The following TBCD variants were observed in gnomAD, a reference collection of about 807,000 sequenced individuals.
The protein encoded by TBCD is tubulin folding cofactor D.
In TBCD, 105 loss-of-function variants were observed where a neutral mutation model predicts 169.3. The ratio of observed to expected loss-of-function variants is 0.62; its 90% confidence interval spans 0.53 to 0.73. TBCD has a LOEUF of 0.73. TBCD is among the 30% of genes least tolerant of loss of function. TBCD has a pLI of 0.00. For missense variants in TBCD, 1,444 were observed against 1,600.1 expected, an observed-to-expected ratio of 0.90 and a Z score of 1.66; for synonymous variants, 700 against 643.9, an observed-to-expected ratio of 1.09 and a Z score of -1.32.
intron 13 of TBCD, among the ~76,000 whole-genome samples, chr17:82,846,858 G>A (rs7226304): frequency 0.44 from 65,647 of 148,124 alleles, 14,366 homozygotes; most frequent in East Asian, 0.55. Context: ...GCCTGGGACC[G>A]CGTGTCCAGG....
intron 18 of TBCD, among the ~76,000 whole-genome samples, chr17:82,901,568 C>T (rs933895177): frequency 2.7e-5 from 4 of 149,868 alleles, no homozygotes; most frequent in African/African-American, 9.9e-5. Context: ...GGGAGCGGCC[C>T]GGCTACCTGC....
chr17:82,800,485 G>C (rs1202201489), intron 8 of TBCD, among the ~76,000 whole-genome samples: 1 of 151,878 alleles, frequency 6.6e-6, no homozygotes, highest in Non-Finnish European at 1.5e-5. Context: ...CCTGTGGCCT[G>C]TGTGTTCTCC....
chr17:82,927,401 TC>T, intron 29 of TBCD, 78 bp downstream of exon 29: 1 of 1,513,288 alleles, frequency 6.6e-7, no homozygotes, highest in Non-Finnish European at 8.9e-7. Context: ...CCCGGGCTTT[TC>T]TGCAGGGAGA....
In TBCD at chr17:82,835,978, C is replaced by T. The variant is rs558662973; in HGVS notation, c.1318+21044C>T. ...CGGGTGACACCCTGGGCTCAGACCC[C>T]GCGCTCAGCACCCGTCTCCCACCGT... On this transcript the variant is annotated intron_variant, in intron 13 of 38. Transcript: ENST00000355528. The surrounding 1 kb of genome is among the most constrained non-coding windows in gnomAD (Gnocchi z 4.5). 2.0e-5 allele frequency among the ~76,000 whole-genome samples: 3 copies of T among 152,166 alleles called. No homozygotes were observed. The highest frequency in any genetic ancestry group is 2.1e-4 in the South Asian group (1 of 4,832).
At chr17:82,808,342 G>T (rs1187628980) in intron 11 of TBCD, among the ~76,000 whole-genome samples, 2 of 150,016 alleles carry the variant, frequency 1.3e-5, no homozygotes, top group Non-Finnish European at 3.0e-5. Context: ...ACCTTCTGTG[G>T]AGGGGATGAG....
At position 82,809,412 on chromosome 17, in the gene TBCD, C is replaced by T. The variant is rs148584928; in HGVS notation, c.1149-296C>T. Among the ~76,000 whole-genome samples, 19 of 152,276 alleles carry T rather than the reference C, an allele frequency of 1.2e-4. No individual in the cohort carries two copies. The East Asian group carries it at 2.7e-3, about 22-fold the overall frequency. ...AGCCCTCAGCGTTCGCCTGCTGCCTCGGTACCCTCAGCCGTCACTGGTGGC... is the reference window on the plus strand; with the variant it reads ...AGCCCTCAGCGTTCGCCTGCTGCCTTGGTACCCTCAGCCGTCACTGGTGGC... On this transcript the variant is annotated intron_variant, in intron 11 of 38. Transcript: ENST00000355528.
chr17:82,883,337 C>T (rs1402949721), intron 14 of TBCD, among the ~76,000 whole-genome samples: 1 of 152,288 alleles, frequency 6.6e-6, no homozygotes, highest in Non-Finnish European at 1.5e-5. Flanking sequence ...CTCAAGCCTT[C>T]CTTAGAAAGG....
At position 82,812,267 on chromosome 17, in the gene TBCD, A is replaced by T. The variant is rs566035478; in HGVS notation, c.1223+2485A>T. 8.5e-5 allele frequency among the ~76,000 whole-genome samples: 13 copies of T among 152,156 alleles called. No homozygotes were observed. The South Asian group carries it at 2.7e-3, about 32-fold the overall frequency. The stretch of plus-strand genomic sequence containing the variant: ...CTGACTTGCCCGAGGGCATCTTCTG[A>T]GACACTCGGTGTGGAGCGTCTGGAA... On this transcript the variant is annotated intron_variant, in intron 12 of 38. Coordinates refer to ENST00000355528, the MANE Select transcript of TBCD (RefSeq NM_005993.5).
At chr17:82,871,916 CGTT>C (rs1567929829) in intron 14 of TBCD, among the ~76,000 whole-genome samples, 1 of 145,000 alleles carries the variant, frequency 6.9e-6, no homozygotes, top group African/African-American at 2.9e-5. Flanking sequence ...ACAAGCAGCT[CGTT>C]GTGAGGCACA....
chr17:82,942,466 C>CCAGTCCTGGAGCCCATACCT lies in TBCD; in HGVS notation c.*6_*25dup. ...TTCTTCAGCCTGGTGCCTGCTGAAG[C>CCAGTCCTGGAGCCCATACCT]CAGTCCTGGAGCCCATACCTCACCC... On this transcript the variant is annotated 3_prime_UTR_variant, in exon 39 of 39. Transcript: ENST00000355528. 6.2e-7 allele frequency: 1 copy of CCAGTCCTGGAGCCCATACCT among 1,613,962 alleles called. No individual in the cohort carries two copies. The highest frequency in any genetic ancestry group is 1.3e-5 in the African/African-American group (1 of 75,054).
At chr17:82,942,056 T>A in intron 38 of TBCD, 1 of 333,154 alleles carries the variant, frequency 3.0e-6, no homozygotes. Flanking sequence ...CATGTCTAGA[T>A]ACATGGGGGC....
At chr17:82,877,831 A>G (rs2058076578) in intron 14 of TBCD, among the ~76,000 whole-genome samples, 1 of 152,102 alleles carries the variant, frequency 6.6e-6, no homozygotes, top group Non-Finnish European at 1.5e-5. Context: ...TTTAGGCTAT[A>G]GTTTGTTATA....
intron 13 of TBCD, among the ~76,000 whole-genome samples, chr17:82,825,541 G>T (rs955375517): frequency 3.9e-5 from 6 of 152,128 alleles, no homozygotes; most frequent in Non-Finnish European, 8.8e-5. Flanking sequence ...CTGGTGTAGT[G>T]GTTGTCTGAG....
chr17:82,813,678 T>C (rs1231740754), intron 12 of TBCD, among the ~76,000 whole-genome samples: 2 of 152,232 alleles, frequency 1.3e-5, no homozygotes, highest in Non-Finnish European at 2.9e-5. Flanking sequence ...ACTAAATCTT[T>C]GTGAAAGGTG....
At chr17:82,793,745 C>T (rs1352992703) in intron 7 of TBCD, among the ~76,000 whole-genome samples, 2 of 152,226 alleles carry the variant, frequency 1.3e-5, no homozygotes, top group African/African-American at 2.4e-5. Context: ...CCTGTGGCCC[C>T]TCTGTGTGGC....
chr17:82,927,141 GGCTCACCGATGTTTGTTTGTTA>G, intron 28 of TBCD, 23 bp from the exon 29 acceptor site: 1 of 1,611,302 alleles, frequency 6.2e-7, no homozygotes, highest in Non-Finnish European at 8.5e-7. Flanking sequence ...TGGAAGATGA[GGCTCACCGATGTTTGTTTGTTA>G]GCTCACACAT....
chr17:82,936,795 C>T (rs1472443379), intron 34 of TBCD, among the ~76,000 whole-genome samples: 3 of 152,228 alleles, frequency 2.0e-5, no homozygotes. Flanking sequence ...GTGCCTTTGT[C>T]AGCACCAAGC....
rs753327888 is a variant in TBCD, at chr17:82,907,817, A to G, written c.1979A>G (p.Gln660Arg). Reference sequence around the variant, plus strand: ...GTGCAGGGCCTGAAGCAGATTCACCAGCAGGTTTGTGTGCAGCCTCTGGGT... The same window carrying G: ...GTGCAGGGCCTGAAGCAGATTCACCGGCAGGTTTGTGTGCAGCCTCTGGGT... ...QAVQGLKQIH[Q>R]QLYDRQLYRG... The change falls in exon 21 of 39, where the codon CAG becomes CGG. Residue 660 changes from glutamine (Q) to arginine (R), a missense_variant. By Grantham distance (43) the Gln-to-Arg change is conservative. Transcript: ENST00000355528. 4.3e-6 allele frequency: 7 copies of G among 1,613,408 alleles called. No homozygotes were observed. The highest frequency in any genetic ancestry group is 5.9e-6 in the Non-Finnish European group (7 of 1,179,680).
chr17:82,928,098 A>G, intron 30 of TBCD, 110 bp downstream of exon 30: 1 of 934,544 alleles, frequency 1.1e-6, no homozygotes, highest in Non-Finnish European at 1.7e-6. Context: ...TGCTGGGCAC[A>G]CACCCTCCTC....
Sources: gnomAD v4.1 joint callset for allele counts (sites outside exome capture counted in the v4.1 genomes callset) on GRCh38, gnomAD v4.1.1 for gene constraint, Gnocchi (gnomAD v3.1) non-coding constraint, MANE v1.5 for transcripts, NCBI Gene and HGNC (gene_info 2026-07-23, HGNC 2026-07-21) for gene names.